The following C9orf152 variants were observed in gnomAD, a reference collection of about 807,000 sequenced individuals.
C9orf152 encodes chromosome 9 open reading frame 152.
C9orf152 carries 8 observed loss-of-function variants against 8.5 expected under a neutral mutation model. The ratio of observed to expected loss-of-function variants is 0.94; its 90% CI spans 0.55 to 1.70. C9orf152 has a LOEUF of 1.70. Ranked by LOEUF, C9orf152 falls within the 40% of genes most tolerant of loss-of-function variation. The pLI is 0.00. For missense variants in C9orf152, 293 were observed against 286.2 expected (o/e 1.02, Z -0.17); for synonymous variants, 109 against 113.0 (o/e 0.96, Z 0.22).
At chr9:110,201,535 G>T in intron 1 of C9orf152, 61 bp from the exon 2 acceptor site, 1 of 1,401,418 alleles carries the variant, frequency 7.1e-7, no homozygotes, top group Non-Finnish European at 9.5e-7. Context: ...CTCTCACTTA[G>T]GGGGTCTCAT....
Position 110,207,695 on chromosome 9 carries a change from A to G in C9orf152, c.-116T>C. The stretch of plus-strand genomic sequence containing the variant: ...TGACGGGCAAAAGGAGGGTGGAAAG[A>G]GGAGTGGGACTGAGGAAGGAGATAG... On this transcript the variant is annotated 5_prime_UTR_variant, in exon 1 of 2. Coordinates refer to ENST00000400613, the MANE Select transcript of C9orf152 (RefSeq NM_001012993.3). 1.4e-6 allele frequency: 1 copy of G among 712,710 alleles called. No homozygotes were observed. The highest frequency in any genetic ancestry group is 2.2e-6 in the Non-Finnish European group (1 of 454,316). The allele number at this position is 712,710 out of a possible 1,614,324, so 44.1% of individuals were successfully genotyped here.
At chr9:110,203,742 A>G (rs1837245700) in intron 1 of C9orf152, among the ~76,000 whole-genome samples, 1 of 152,218 alleles carries the variant, frequency 6.6e-6, no homozygotes, top group South Asian at 2.1e-4. Context: ...CTCGTTATCT[A>G]TAATACCTTC....
In C9orf152 at chr9:110,203,532, C is replaced by G. The variant is rs138731521; in HGVS notation, c.194-2058G>C. Among the ~76,000 whole-genome samples the G allele has an allele frequency of 1.1e-4, 17 of 152,254 alleles. No homozygotes were observed. The East Asian group carries it at 3.3e-3, about 29-fold the overall frequency. ...TAGGCTGGGAGATACACAGGGACCC[C>G]ACCCCAGAGCAGCCTCTGCTGAGAA... is the stretch of plus-strand genomic sequence containing the variant. On this transcript the variant is annotated intron_variant, in intron 1 of 1. Transcript: ENST00000400613.
At chr9:110,206,092 A>C (rs902367817) in intron 1 of C9orf152, among the ~76,000 whole-genome samples, 1 of 151,558 alleles carries the variant, frequency 6.6e-6, no homozygotes, top group South Asian at 2.1e-4. Context: ...CAAACTGCTG[A>C]AAGTGCCCTG....
At chr9:110,204,780 A>G (rs1473681211) in intron 1 of C9orf152, among the ~76,000 whole-genome samples, 1 of 152,150 alleles carries the variant, frequency 6.6e-6, no homozygotes, top group Non-Finnish European at 1.5e-5. Context: ...CCCATGCCCC[A>G]GCCTCTGGCA....
At position 110,201,194 on chromosome 9, in the gene C9orf152, G is replaced by A. The variant is rs1470388731; in HGVS notation, c.474C>T (p.His158=). ...GAGTCATCTGATTGGTTTCAAACAA[G>A]TGTGTGTCTCCTTCAGGAGGGAGCC... ...DQRLPPEGDT[H]LFETNQMTQQ... is the part of the protein sequence containing the mutation. Residue 158 remains histidine, a synonymous_variant, in exon 2 of 2, where the codon CAC becomes CAT. Transcript: ENST00000400613. 6.2e-7 allele frequency: 1 copy of A among 1,614,204 alleles called. No homozygotes were observed.
At chr9:110,205,413 T>C (rs1837262916) in intron 1 of C9orf152, among the ~76,000 whole-genome samples, 2 of 152,326 alleles carry the variant, frequency 1.3e-5, no homozygotes, top group Admixed American at 1.3e-4. Context: ...CTTACTCTGA[T>C]TTCTCCCTGG....
rs143597638 is a variant in C9orf152, at chr9:110,201,027, G to T, written c.641C>A (p.Ala214Asp). The T allele has an allele frequency of 2.7e-4, 439 of 1,614,240 alleles. 1 individual carries two copies. The highest frequency in any genetic ancestry group is 2.4e-3 in the South Asian group (215 of 91,090). ...IKNPHRSGKPAYYPFPQRKTP... is the reference protein window; with the variant it reads ...IKNPHRSGKPDYYPFPQRKTP... ...TTTCCTCTGGGGAAATGGATAGTAAGCTGGTTTGCCAGACCTGTGTGGGTT... is the reference window on the plus strand; with the variant it reads ...TTTCCTCTGGGGAAATGGATAGTAATCTGGTTTGCCAGACCTGTGTGGGTT... The change falls in exon 2 of 2, where the codon GCT becomes GAT. Residue 214 changes from alanine to aspartate, a missense_variant. Physicochemically the swap from Ala to Asp is moderately radical, Grantham distance 126. Transcript: ENST00000400613.
Position 110,200,222 on chromosome 9 carries a change from A to AGGAT in C9orf152, c.*725_*726insATCC, listed in dbSNP as rs757859101. ...AGGGAGGGAGAGACAGAAGGAAGGA[A>AGGAT]GGAAGGAAGGAAGGAAGGAAGGAAG... On this transcript the variant is annotated 3_prime_UTR_variant, in exon 2 of 2. Coordinates refer to ENST00000400613, the MANE Select transcript of C9orf152 (RefSeq NM_001012993.3). 9.7e-5 allele frequency: 12 copies of AGGAT among 123,914 alleles called. No individual in the cohort carries two copies. Among genetic ancestry groups the AGGAT allele is most frequent in the Non-Finnish European group, 2.2e-4 (12 of 55,360 alleles). 7.7% of individuals were successfully genotyped at this position (123,914 alleles called of 1,614,324 possible). A position where few individuals can be genotyped will look rare whatever the true frequency, so the allele number is the denominator to read the frequency against.
Position 110,201,113 on chromosome 9 carries a change from G to T in C9orf152, c.555C>A (p.Thr185=), listed in dbSNP as rs973543922. 1 of 1,614,204 alleles carries T rather than the reference G, an allele frequency of 6.2e-7. No homozygotes were observed. Among genetic ancestry groups the T allele is most frequent in the Non-Finnish European group, 8.5e-7 (1 of 1,180,052 alleles). The change falls in exon 2 of 2, where the codon ACC becomes ACA. Residue 185 remains threonine, a synonymous_variant. Coordinates refer to ENST00000400613, the MANE Select transcript of C9orf152 (RefSeq NM_001012993.3). ...AGCCAGATTCCACTGCCTTTGTTTGGGTATTGCCCACCTGGCATGGAAGCT... is the reference window on the plus strand; with the variant it reads ...AGCCAGATTCCACTGCCTTTGTTTGTGTATTGCCCACCTGGCATGGAAGCT... ...AAQLPCQVGN[T]QTKAVESGLK...
chr9:110,204,224 A>G (rs10759397), intron 1 of C9orf152, among the ~76,000 whole-genome samples: 82,126 of 152,032 alleles, frequency 0.54, 22,467 homozygotes, highest in Non-Finnish European at 0.58. Context: ...AATCACTGGG[A>G]GTAATTGGGG....
Position 110,207,726 on chromosome 9 carries a change from T to A in C9orf152, c.-147A>T. 1.9e-6 allele frequency: 1 copy of A among 523,376 alleles called. No homozygotes were observed. The highest frequency in any genetic ancestry group is 3.2e-6 in the Non-Finnish European group (1 of 315,224). The allele number at this position is 523,376 out of a possible 1,614,324, so 32.4% of individuals were successfully genotyped here. A position where few individuals can be genotyped will look rare whatever the true frequency, so the allele number is the denominator to read the frequency against. ...GGGACTGAGGAAGGAGATAGAAAAA[T>A]AAGGGGGAAGGAGAAAGATGAAGGG... On this transcript the variant is annotated 5_prime_UTR_variant, in exon 1 of 2. Transcript: ENST00000400613.
At chr9:110,205,636 A>T (rs1587906208) in intron 1 of C9orf152, among the ~76,000 whole-genome samples, 1 of 152,328 alleles carries the variant, frequency 6.6e-6, no homozygotes, top group African/African-American at 2.4e-5. Flanking sequence ...AGCCCCAGAA[A>T]ATTTATGTAA....
chr9:110,203,649 T>C (rs191584871), intron 1 of C9orf152, among the ~76,000 whole-genome samples: 29 of 152,336 alleles, frequency 1.9e-4, no homozygotes, highest in African/African-American at 7.0e-4. Context: ...GGTAATTGAC[T>C]GAAGAGTACA....
chr9:110,207,413 T>C lies in C9orf152; in HGVS notation c.167A>G (p.Gln56Arg). 1 of 1,612,950 alleles carries C rather than the reference T, an allele frequency of 6.2e-7. No homozygotes were observed. The highest frequency in any genetic ancestry group is 1.7e-5 in the Admixed American group (1 of 59,854). The change falls in exon 1 of 2, where the codon CAG (glutamine) becomes CGG (arginine). Residue 56 changes from glutamine to arginine, a missense_variant. Physicochemically the swap from Gln to Arg is conservative, Grantham distance 43. Coordinates refer to ENST00000400613, the MANE Select transcript of C9orf152 (RefSeq NM_001012993.3). The stretch of plus-strand genomic sequence containing the variant: ...TTTTGGAAGCACCAGGAGGTGGGCC[T>C]GGGTCCTCTGCTGCCTCTTCAAGCC... The part of the protein sequence containing the change: ...YEGLKRQQRT[Q>R]AHLLVLPKGG...
chr9:110,201,323 A>G lies in C9orf152; in HGVS notation c.345T>C (p.Ser115=), dbSNP rs1454485791. 2.5e-6 allele frequency: 4 copies of G among 1,612,920 alleles called. No individual in the cohort carries two copies. Among genetic ancestry groups the G allele is most frequent in the Non-Finnish European group, 3.4e-6 (4 of 1,179,534 alleles). ...AAQGCLQAPK[S]PWHTHLEMHC... ...GCATCTCCAGGTGCGTGTGCCATGG[A>G]GACTTGGGGGCCTGAAGGCAGCCCT... is the stretch of plus-strand genomic sequence containing the variant. The change falls in exon 2 of 2, where the codon TCT becomes TCC. Residue 115 remains serine (S), a synonymous_variant. Coordinates refer to ENST00000400613, the MANE Select transcript of C9orf152 (RefSeq NM_001012993.3).
rs1000711500 is a variant in C9orf152 at position 110,206,341 on chromosome 9, G to A, written c.193+1046C>T. ...AGATTTGTGAGTCTGAATTGCAGGT[G>A]TATTAAGCATTGTGTTTCCATTTGA... On this transcript the variant is annotated intron_variant, in intron 1 of 1. Transcript: ENST00000400613. Among the ~76,000 whole-genome samples the A allele has an allele frequency of 2.0e-5, 3 of 152,206 alleles. No homozygotes were observed. The South Asian group carries it at 6.2e-4, about 32-fold the overall frequency.
chr9:110,207,313 C>G (rs1837283420), intron 1 of C9orf152, 74 bp downstream of exon 1: 1 of 1,512,370 alleles, frequency 6.6e-7, no homozygotes, highest in East Asian at 2.3e-5. Context: ...AGCCCTGGCT[C>G]TGCCTCCCTG....
chr9:110,206,890 T>A (rs886969025), intron 1 of C9orf152, among the ~76,000 whole-genome samples: 2 of 152,206 alleles, frequency 1.3e-5, no homozygotes, highest in African/African-American at 4.8e-5. Context: ...ATGAGGGGGT[T>A]TCTGTGTCCA....
Sources: gnomAD v4.1 joint callset for allele counts (sites outside exome capture counted in the v4.1 genomes callset) on GRCh38, gnomAD v4.1.1 for gene constraint, MANE v1.5 for transcripts, NCBI Gene and HGNC (gene_info 2026-07-23, HGNC 2026-07-21) for gene names.